Variants in GLIS3 observed in about 807,000 individuals in gnomAD.
GLIS3 encodes the protein zinc finger protein GLIS3.
In GLIS3, 53 loss-of-function variants were observed where a neutral mutation model predicts 78.6. That is an observed-to-expected ratio of 0.67 (90% CI 0.54 to 0.85). The LOEUF (loss-of-function observed/expected upper bound fraction) is 0.85, where lower values mean the gene tolerates loss of function less well. Among genes scored for constraint, GLIS3 ranks in the 40% least tolerant of loss-of-function variants. The probability of loss-of-function intolerance (pLI) is 0.00; values close to 1 mark genes in which losing one functional copy is unlikely to be tolerated. For synonymous variants in GLIS3, 684 were observed against 509.9 expected (o/e 1.34, Z -4.60); for missense variants, 1,703 against 1,231.1 (o/e 1.38, Z -5.74).
intron 2 of GLIS3, among the ~76,000 whole-genome samples, chr9:4,278,224 C>A (rs545947888): frequency 2.0e-5 from 3 of 152,136 alleles, no homozygotes; most frequent in Non-Finnish European, 4.4e-5. Context: ...AATATATTTC[C>A]TAACTCTGTC....
At chr9:4,357,758 C>T in the GLIS3 span, among the ~76,000 whole-genome samples, 1 of 152,254 alleles carries the variant, frequency 6.6e-6, no homozygotes, top group South Asian at 2.1e-4. Context: ...ATTTATCCTA[C>T]AGAAATACCT....
the GLIS3 span, among the ~76,000 whole-genome samples, chr9:4,366,604 A>T: frequency 1.3e-5 from 2 of 152,218 alleles, no homozygotes; most frequent in Non-Finnish European, 2.9e-5. Context: ...TTCTGGAGGA[A>T]CACAAACGTT....
At chr9:4,141,191 G>C (rs996852993) in intron 2 of GLIS3, among the ~76,000 whole-genome samples, 2 of 152,214 alleles carry the variant, frequency 1.3e-5, no homozygotes, top group African/African-American at 4.8e-5. Context: ...TCTGAAAGAG[G>C]ATAGTGCCTC....
At chr9:3,954,501 G>A (rs1433871746) in intron 4 of GLIS3, among the ~76,000 whole-genome samples, 1 of 152,196 alleles carries the variant, frequency 6.6e-6, no homozygotes, top group East Asian at 1.9e-4. Flanking sequence ...GAGAAAACAA[G>A]GCAAAAGTAC....
intron 2 of GLIS3, among the ~76,000 whole-genome samples, chr9:4,315,525 A>T (rs1190229526): frequency 6.6e-6 from 1 of 152,170 alleles, no homozygotes; most frequent in African/African-American, 2.4e-5. Context: ...AACCCTTCTA[A>T]AACAGAGTTA....
chr9:4,238,696 C>G (rs1251356977), intron 2 of GLIS3, among the ~76,000 whole-genome samples: 1 of 152,202 alleles, frequency 6.6e-6, no homozygotes, highest in African/African-American at 2.4e-5. Context: ...TGTCATTCCT[C>G]ATGAGTCAGA....
intron 6 of GLIS3, among the ~76,000 whole-genome samples, chr9:3,899,157 C>T (rs1322903086): frequency 6.6e-6 from 1 of 152,134 alleles, no homozygotes; most frequent in Non-Finnish European, 1.5e-5. Context: ...GTAACGATAA[C>T]AACAACAAAC....
intron 1 of GLIS3, among the ~76,000 whole-genome samples, chr9:4,298,168 G>A (rs911257105): frequency 3.9e-5 from 6 of 152,180 alleles, no homozygotes; most frequent in East Asian, 3.9e-4. Context: ...GGGCGCCGGG[G>A]ACCTGCGCGC....
intron 2 of GLIS3, among the ~76,000 whole-genome samples, chr9:4,162,115 T>G (rs961320238): frequency 6.6e-6 from 1 of 152,160 alleles, no homozygotes; most frequent in Admixed American, 6.5e-5. Context: ...CCTCAGTTTA[T>G]AGATATGTGA....
At chr9:4,211,202 G>C (rs1820343510) in intron 2 of GLIS3, among the ~76,000 whole-genome samples, 1 of 152,198 alleles carries the variant, frequency 6.6e-6, no homozygotes, top group African/African-American at 2.4e-5. Context: ...CCGAATACAT[G>C]AACTTGTGCC....
chr9:3,957,849 C>T (rs1817249665), intron 4 of GLIS3, among the ~76,000 whole-genome samples: 1 of 152,174 alleles, frequency 6.6e-6, no homozygotes, highest in Non-Finnish European at 1.5e-5. Context: ...GTAGATATTG[C>T]AAGGCTGTGC....
At chr9:4,424,862 T>A in the GLIS3 span, among the ~76,000 whole-genome samples, 2 of 141,238 alleles carry the variant, frequency 1.4e-5, no homozygotes, top group Non-Finnish European at 3.1e-5. Flanking sequence ...GCCCAGCCCA[T>A]TTTTTTTTTT....
intron 2 of GLIS3, among the ~76,000 whole-genome samples, chr9:4,258,138 C>G (rs1290171090): frequency 6.6e-6 from 1 of 151,992 alleles, no homozygotes; most frequent in African/African-American, 2.4e-5. Context: ...ATTTTCAGTA[C>G]TTTCCTAATT....
rs1588406608 is a variant in GLIS3 at position 3,991,716 on chromosome 9, A to C, written c.1711-54527T>G. Reference sequence around the variant, plus strand: ...TTTTTTTTTTTTTTTTTTGAGACGGAGTCTCACTCTGTCGCCCAGGCTGGA... The same window carrying C: ...TTTTTTTTTTTTTTTTTTGAGACGGCGTCTCACTCTGTCGCCCAGGCTGGA... On this transcript the variant is annotated intron_variant, in intron 4 of 10. Transcript: ENST00000381971. Among the ~76,000 whole-genome samples the C allele has an allele frequency of 6.8e-5, 6 of 88,000 alleles. No homozygotes were observed. In the Admixed American group the frequency reaches 1.0e-3, roughly 15 times the overall value. The allele number at this position is 88,000 out of a possible 152,430, so 57.7% of individuals were successfully genotyped here.
At chr9:3,891,066 CA>C (rs58449134) in intron 7 of GLIS3, among the ~76,000 whole-genome samples, 6 of 126,994 alleles carry the variant, frequency 4.7e-5, no homozygotes, top group African/African-American at 1.5e-4. Flanking sequence ...CTTCCTTCCT[CA>C]AAAAAAAAAA....
intron 4 of GLIS3, among the ~76,000 whole-genome samples, chr9:4,020,152 A>G (rs1822763302): frequency 6.6e-6 from 1 of 152,122 alleles, no homozygotes; most frequent in Non-Finnish European, 1.5e-5. Flanking sequence ...GTAACAGGAG[A>G]AGAGAGTTCA....
At chr9:4,161,265 C>A (rs1188589519) in intron 2 of GLIS3, among the ~76,000 whole-genome samples, 3 of 151,682 alleles carry the variant, frequency 2.0e-5, no homozygotes, top group Non-Finnish European at 4.4e-5. Context: ...AAAGCGAGAC[C>A]CTGTCTCAAA....
intron 6 of GLIS3, among the ~76,000 whole-genome samples, chr9:3,922,145 C>A (rs1563852539): frequency 1.3e-5 from 2 of 152,260 alleles, no homozygotes; most frequent in East Asian, 3.9e-4. Context: ...ATAGTACAAT[C>A]TTTAAAATCA....
At position 3,860,272 on chromosome 9, in the gene GLIS3, C is replaced by CAAAAAAAAAAAAAAAAAA. The variant is rs59923144; in HGVS notation, c.2298-4106_2298-4089dup. Among the ~76,000 whole-genome samples, 6 of 53,604 alleles carry CAAAAAAAAAAAAAAAAAA rather than the reference C, an allele frequency of 1.1e-4. 1 individual carries two copies. The highest frequency in any genetic ancestry group is 1.5e-4 in the Non-Finnish European group (5 of 32,354). 35.2% of individuals were successfully genotyped at this position (53,604 alleles called of 152,430 possible). On this transcript the variant is annotated intron_variant, in intron 8 of 10. Transcript: ENST00000381971. The stretch of plus-strand genomic sequence containing the variant: ...CCTGGGTGACAGAGCAAGACTCTGT[C>CAAAAAAAAAAAAAAAAAA]AAAAAAAAAAAAAAAAAAAAAAAAA...
Sources: allele counts gnomAD v4.1 joint callset (sites outside exome capture counted in the v4.1 genomes callset), GRCh38; gene constraint gnomAD v4.1.1; transcripts MANE v1.5; gene names NCBI Gene and HGNC (gene_info 2026-07-23, HGNC 2026-07-21).